The following RAB27A variants were observed in gnomAD, a reference collection of about 807,000 sequenced individuals.
RAB27A encodes the protein ras-related protein Rab-27A.
RAB27A carries 17 observed loss-of-function variants against 20.8 expected under a neutral mutation model. The ratio of observed to expected loss-of-function variants is 0.82; its 90% CI spans 0.56 to 1.23. The LOEUF is 1.23. Among genes scored for constraint, RAB27A ranks in the 50% most tolerant of loss-of-function variants. RAB27A has a pLI of 0.00. For missense variants in RAB27A, 277 were observed against 266.7 expected, an observed-to-expected ratio of 1.04 and a Z score of -0.27; for synonymous variants, 85 against 92.8, an observed-to-expected ratio of 0.92 and a Z score of 0.48.
rs541323912 is a variant in RAB27A, at chr15:55,300,080, A to C, written c.-112+13959T>G. Among the ~76,000 whole-genome samples the C allele has an allele frequency of 6.6e-5, 10 of 152,126 alleles. No individual in the cohort carries two copies. In the South Asian group the frequency reaches 2.1e-3, roughly 32 times the overall value. ...CGTAATCCGCCCGCCTCGGCCTCCC[A>C]AAGTGCTGGGATTACAGGCATGAGC... On this transcript the variant is annotated intron_variant, in intron 2 of 5. Transcript: ENST00000563262.
chr15:55,291,033 A>G (rs1391934871), upstream of RAB27A, among the ~76,000 whole-genome samples: 2 of 152,224 alleles, frequency 1.3e-5, no homozygotes, highest in Non-Finnish European at 2.9e-5. Context: ...AATTTACAAA[A>G]TCACATATAG....
At chr15:55,216,976 T>G (rs950990339) in intron 6 of RAB27A, among the ~76,000 whole-genome samples, 1 of 152,190 alleles carries the variant, frequency 6.6e-6, no homozygotes, top group African/African-American at 2.4e-5. Flanking sequence ...CTTAAGCAAA[T>G]ATTTAATTGG....
chr15:55,207,548 A>G (rs907972552), intron 6 of RAB27A, among the ~76,000 whole-genome samples: 2 of 152,240 alleles, frequency 1.3e-5, no homozygotes, highest in Admixed American at 6.5e-5. Context: ...GCACTATCCA[A>G]TAGAACTTCC....
At chr15:55,209,857 T>C (rs1894860015) in intron 6 of RAB27A, among the ~76,000 whole-genome samples, 1 of 30,500 alleles carries the variant, frequency 3.3e-5, no homozygotes, top group South Asian at 2.2e-3. Flanking sequence ...TATATGTGTG[T>C]ATATACATAT....
rs1187442986 is a variant in RAB27A at position 55,309,649 on chromosome 15, G to C, written c.-112+4390C>G. ...GAGAGTCAGGATGTACAGGGATACA[G>C]AAAAAGGCATCCTTAAGGTCCAGGA... On this transcript the variant is annotated intron_variant, in intron 2 of 5. Coordinates refer to the RAB27A transcript ENST00000563262. Among the ~76,000 whole-genome samples, 5 of 152,242 alleles carry C rather than the reference G, an allele frequency of 3.3e-5. No homozygotes were observed. The East Asian group carries it at 5.8e-4, about 18-fold the overall frequency.
At chr15:55,311,088 AT>A (rs141400023) in intron 2 of RAB27A, among the ~76,000 whole-genome samples, 7,787 of 152,116 alleles carry the variant, frequency 0.051, 277 homozygotes, top group East Asian at 0.15. Context: ...CCTGTGGGGA[AT>A]TTTTCTCTTT....
intron 6 of RAB27A, among the ~76,000 whole-genome samples, chr15:55,222,988 A>ATGCTGC (rs148830551): frequency 2.0e-5 from 3 of 151,718 alleles, no homozygotes; most frequent in Non-Finnish European, 2.9e-5. Context: ...TGTCCAGTTC[A>ATGCTGC]TGCTGCTGCT....
rs1894476754 is a variant in RAB27A, at chr15:55,203,233, C to CTT, written c.*2272_*2273dup. On this transcript the variant is annotated 3_prime_UTR_variant, in exon 7 of 7. Coordinates refer to ENST00000336787, the MANE Select transcript of RAB27A (RefSeq NM_183235.3). Reference sequence around the variant, plus strand: ...TCTATAGCTAATTACTCATTTGGTTCTTGAAAACTGAAACATGCAAACATT... The same window carrying CTT: ...TCTATAGCTAATTACTCATTTGGTTCTTTTGAAAACTGAAACATGCAAACATT... 1 of 152,044 alleles carries CTT rather than the reference C, an allele frequency of 6.6e-6. No individual in the cohort carries two copies. Among genetic ancestry groups the CTT allele is most frequent in the Admixed American group, 6.6e-5 (1 of 15,266 alleles). The allele number at this position is 152,044 out of a possible 1,614,324, so 9.4% of individuals were successfully genotyped here. A position where few individuals can be genotyped will look rare whatever the true frequency, so the allele number is the denominator to read the frequency against.
At chr15:55,315,048 C>CT (rs1345348267) in intron 1 of RAB27A, among the ~76,000 whole-genome samples, 3 of 152,178 alleles carry the variant, frequency 2.0e-5, no homozygotes, top group Admixed American at 6.5e-5. Flanking sequence ...CACCATGGTA[C>CT]TGGTACCAAA....
intron 6 of RAB27A, among the ~76,000 whole-genome samples, chr15:55,206,950 A>C (rs1894681911): frequency 6.6e-6 from 1 of 152,190 alleles, no homozygotes; most frequent in Non-Finnish European, 1.5e-5. Context: ...CATCCGAAAA[A>C]ATAATTCCTC....
intron 1 of RAB27A, among the ~76,000 whole-genome samples, chr15:55,281,404 TG>T (rs1430760922): frequency 4.6e-5 from 7 of 152,212 alleles, no homozygotes; most frequent in African/African-American, 1.7e-4. Flanking sequence ...ACTGGCATTC[TG>T]GTTTCATTTA....
chr15:55,287,013 G>A (rs752025213), intron 1 of RAB27A, among the ~76,000 whole-genome samples: 1 of 148,912 alleles, frequency 6.7e-6, no homozygotes, highest in Non-Finnish European at 1.5e-5. Flanking sequence ...TCCGCCTCCT[G>A]GGTTCAAGCG....
intron 6 of RAB27A, among the ~76,000 whole-genome samples, chr15:55,217,663 CA>C (rs199813098): frequency 0.12 from 5,121 of 42,292 alleles, 5 homozygotes; most frequent in East Asian, 0.16. Flanking sequence ...CACTCCATCT[CA>C]AAAAAAAAAA....
At chr15:55,278,032 G>A (rs954873648) in intron 1 of RAB27A, among the ~76,000 whole-genome samples, 1 of 152,172 alleles carries the variant, frequency 6.6e-6, no homozygotes, top group Non-Finnish European at 1.5e-5. Context: ...GGTAGCTGTA[G>A]CTATTATACT....
chr15:55,245,832 G>A (rs561887682), intron 2 of RAB27A, among the ~76,000 whole-genome samples: 17 of 152,158 alleles, frequency 1.1e-4, no homozygotes, highest in East Asian at 3.9e-4. Flanking sequence ...TTTCTGGGCC[G>A]GGCATGGTGG....
intron 2 of RAB27A, among the ~76,000 whole-genome samples, chr15:55,266,574 T>G (rs1262988895): frequency 6.6e-6 from 1 of 152,140 alleles, no homozygotes; most frequent in African/African-American, 2.4e-5. Context: ...TAACATTAAC[T>G]GAAAAAGGAA....
intron 1 of RAB27A, among the ~76,000 whole-genome samples, chr15:55,284,865 T>C (rs890707800): frequency 1.3e-5 from 2 of 152,184 alleles, no homozygotes; most frequent in African/African-American, 4.8e-5. Flanking sequence ...TAAAATGAAA[T>C]GTTCTCTAAC....
intron 2 of RAB27A, among the ~76,000 whole-genome samples, chr15:55,303,131 T>G (rs1253957497): frequency 5.4e-5 from 5 of 92,084 alleles, no homozygotes; most frequent in African/African-American, 1.3e-4. Context: ...GGGAGGGAGG[T>G]GGGGGGGTCA....
intron 2 of RAB27A, among the ~76,000 whole-genome samples, chr15:55,250,852 G>A (rs1219370441): frequency 6.6e-6 from 1 of 152,176 alleles, no homozygotes; most frequent in African/African-American, 2.4e-5. Context: ...CCAGCTGGTT[G>A]CAAACTTTCT....
Sources: gnomAD v4.1 joint callset for allele counts (sites outside exome capture counted in the v4.1 genomes callset) on GRCh38, gnomAD v4.1.1 for gene constraint, MANE v1.5 for transcripts, NCBI Gene and HGNC (gene_info 2026-07-23, HGNC 2026-07-21) for gene names.